ADGRL3: variants seen among roughly 807,000 people sequenced by gnomAD.
ADGRL3 encodes calcium-independent alpha-latrotoxin receptor 3.
Under a neutral mutation model 153.5 loss-of-function variants are expected in ADGRL3, and 62 were observed. The ratio of observed to expected loss-of-function variants is 0.40; its 90% confidence interval spans 0.33 to 0.50. The LOEUF (loss-of-function observed/expected upper bound fraction) is 0.50. Among genes scored for constraint, ADGRL3 ranks in the 20% least tolerant of loss-of-function variants. The pLI, the probability that ADGRL3 is intolerant of heterozygous loss-of-function variation, is 0.47. For synonymous variants in ADGRL3, 710 were observed against 672.5 expected (o/e 1.06, Z -0.86); for missense variants, 1,641 against 1,859.4 (o/e 0.88, Z 2.16).
chr4:61,686,261 C>T (rs2095440864), intron 6 of ADGRL3, among the ~76,000 whole-genome samples: 2 of 151,908 alleles, frequency 1.3e-5, no homozygotes, highest in South Asian at 4.2e-4. Flanking sequence ...TAGTAAAAGA[C>T]ATACAAAGGT....
chr4:61,424,378 GA>G (rs747385103), intron 2 of ADGRL3, among the ~76,000 whole-genome samples: 5 of 152,078 alleles, frequency 3.3e-5, no homozygotes, highest in Non-Finnish European at 5.9e-5. Context: ...TCTTAGTGGG[GA>G]AACTTGCCCA....
intron 9 of ADGRL3, among the ~76,000 whole-genome samples, chr4:61,817,489 C>T (rs2097701806): frequency 1.3e-5 from 2 of 152,106 alleles, no homozygotes; most frequent in Non-Finnish European, 2.9e-5. Flanking sequence ...CCACCCACTG[C>T]CAGTCTCCTC....
At chr4:61,220,161 G>A (rs1294348830) in intron 1 of ADGRL3, among the ~76,000 whole-genome samples, 1 of 151,782 alleles carries the variant, frequency 6.6e-6, no homozygotes, top group Non-Finnish European at 1.5e-5. Context: ...AGTCATCCAT[G>A]GCTGGAACTT....
rs531445338 is a variant in ADGRL3, at chr4:61,218,793, G to A, written c.-240+17028G>A. 9.5e-4 allele frequency among the ~76,000 whole-genome samples: 144 copies of A among 152,320 alleles called. 1 individual carries two copies. Among genetic ancestry groups the A allele is most frequent in the South Asian group, 3.9e-3 (19 of 4,828 alleles). ...TCTTGTGAGGAACTCAGAGGTTAGA[G>A]AACCTGGAACATAAGGATTGAGAGA... On this transcript the variant is annotated intron_variant, in intron 1 of 26. Transcript: ENST00000683033.
chr4:62,041,934 T>C (rs891106130), intron 24 of ADGRL3, among the ~76,000 whole-genome samples: 3 of 152,126 alleles, frequency 2.0e-5, no homozygotes, highest in Non-Finnish European at 2.9e-5. Context: ...ATGCTGGTTA[T>C]AAGGTCTGTG....
intron 4 of ADGRL3, among the ~76,000 whole-genome samples, chr4:61,530,939 C>G (rs2098609134): frequency 6.6e-6 from 1 of 152,094 alleles, no homozygotes; most frequent in African/African-American, 2.4e-5. Context: ...GTTATAAAAT[C>G]CTTGAGGTAA....
intron 2 of ADGRL3, among the ~76,000 whole-genome samples, chr4:61,393,730 C>T (rs899905963): frequency 6.6e-6 from 1 of 152,012 alleles, no homozygotes; most frequent in Non-Finnish European, 1.5e-5. Flanking sequence ...TACCATCTTT[C>T]AAATGCTAAT....
chr4:62,054,544 A>T (rs986976366), intron 25 of ADGRL3, among the ~76,000 whole-genome samples: 2 of 151,842 alleles, frequency 1.3e-5, no homozygotes, highest in African/African-American at 4.8e-5. Context: ...AAAATATTAA[A>T]TATAAAACCT....
intron 5 of ADGRL3, among the ~76,000 whole-genome samples, chr4:61,623,660 T>C (rs1025902122): frequency 6.6e-6 from 1 of 152,242 alleles, no homozygotes; most frequent in East Asian, 1.9e-4. Flanking sequence ...TTACAGCAAG[T>C]ATTTACTACA....
Position 61,818,788 on chromosome 4 carries a change from T to C in ADGRL3, c.1480+4899T>C, listed in dbSNP as rs934384238. Among the ~76,000 whole-genome samples the C allele has an allele frequency of 3.3e-5, 5 of 152,188 alleles. No homozygotes were observed. In the East Asian group the frequency reaches 9.6e-4, roughly 29 times the overall value. On this transcript the variant is annotated intron_variant, in intron 9 of 26. Transcript: ENST00000683033. The stretch of plus-strand genomic sequence containing the variant: ...ATATAAATTCCTCTGCATGCACAGA[T>C]CAGACTCTCCTAAATTGTTCTGTGA...
intron 25 of ADGRL3, among the ~76,000 whole-genome samples, chr4:62,051,736 T>A (rs2151764733): frequency 6.6e-6 from 1 of 151,910 alleles, no homozygotes; most frequent in African/African-American, 2.4e-5. Flanking sequence ...ATTTATTACG[T>A]TATTACCTCA....
At chr4:61,556,567 T>C (rs1289564719) in intron 4 of ADGRL3, among the ~76,000 whole-genome samples, 1 of 152,108 alleles carries the variant, frequency 6.6e-6, no homozygotes, top group Non-Finnish European at 1.5e-5. Context: ...CCCTGCACTA[T>C]GGACAACAAT....
At chr4:61,336,918 T>G (rs2095689107) in intron 1 of ADGRL3, among the ~76,000 whole-genome samples, 1 of 150,188 alleles carries the variant, frequency 6.7e-6, no homozygotes, top group Non-Finnish European at 1.5e-5. Flanking sequence ...GGGATGAAAA[T>G]GCATGCAGTC....
chr4:61,498,416 G>T (rs1336091215), intron 3 of ADGRL3, among the ~76,000 whole-genome samples: 2 of 151,970 alleles, frequency 1.3e-5, no homozygotes, highest in Non-Finnish European at 2.9e-5. Context: ...CTGGGCAGGT[G>T]GTGGATGCCT....
At chr4:61,399,232 A>G (rs1283757463) in intron 2 of ADGRL3, among the ~76,000 whole-genome samples, 1 of 151,720 alleles carries the variant, frequency 6.6e-6, no homozygotes, top group African/African-American at 2.4e-5. Flanking sequence ...AGGATGTATA[A>G]TATTTAAATG....
At chr4:61,581,543 T>A (rs576437412) in intron 4 of ADGRL3, among the ~76,000 whole-genome samples, 3 of 152,132 alleles carry the variant, frequency 2.0e-5, no homozygotes, top group African/African-American at 7.2e-5. Flanking sequence ...GGGCCATAGT[T>A]GCTGTGTCTC....
intron 6 of ADGRL3, among the ~76,000 whole-genome samples, chr4:61,702,958 G>A (rs1244883073): frequency 6.6e-6 from 1 of 152,130 alleles, no homozygotes; most frequent in Non-Finnish European, 1.5e-5. Flanking sequence ...TAAGTAATGA[G>A]GAGCCATCTC....
At chr4:61,820,137 G>T (rs1354813985) in intron 9 of ADGRL3, among the ~76,000 whole-genome samples, 5 of 152,076 alleles carry the variant, frequency 3.3e-5, no homozygotes, top group African/African-American at 1.2e-4. Flanking sequence ...CCTGCTCTTA[G>T]TAATCAAAAG....
chr4:61,710,996 T>G (rs1161867338), intron 6 of ADGRL3, among the ~76,000 whole-genome samples: 1 of 152,162 alleles, frequency 6.6e-6, no homozygotes, highest in Non-Finnish European at 1.5e-5. Flanking sequence ...ATTTTCCACT[T>G]TGATCAAAAT....
Sources: allele counts gnomAD v4.1 joint callset (sites outside exome capture counted in the v4.1 genomes callset), GRCh38; gene constraint gnomAD v4.1.1; transcripts MANE v1.5; gene names NCBI Gene and HGNC (gene_info 2026-07-23, HGNC 2026-07-21).